The following PIP4K2C variants were observed in gnomAD, a reference collection of about 807,000 sequenced individuals.
PIP4K2C encodes the protein phosphatidylinositol 5-phosphate 4-kinase type-2 gamma.
PIP4K2C carries 21 observed loss-of-function variants against 45.0 expected under a neutral mutation model. That is an observed-to-expected ratio of 0.47 (90% CI 0.33 to 0.67). The LOEUF (loss-of-function observed/expected upper bound fraction) is 0.67, where lower values mean the gene tolerates loss of function less well. PIP4K2C is among the 30% of genes least tolerant of loss of function. PIP4K2C has a pLI of 0.02. For missense variants in PIP4K2C, 456 were observed against 542.8 expected, an observed-to-expected ratio of 0.84 and a Z score of 1.59; for synonymous variants, 201 against 204.8, an observed-to-expected ratio of 0.98 and a Z score of 0.16.
chr12:57,600,968 C>T lies in PIP4K2C; in HGVS notation c.971C>T (p.Ser324Phe), dbSNP rs963258737. ...SLTGPPALVGSYGTSPEGIGG... is the reference protein window; with the variant it reads ...SLTGPPALVGFYGTSPEGIGG... ...ACTGGACCTCCTGCTCTGGTGGGCT[C>T]CTATGGCACCTCCCCAGAGGGTATC... The change falls in exon 8 of 10, where the codon TCC becomes TTC. Residue 324 changes from serine (S) to phenylalanine (F), a missense_variant. Around this residue, in one of 2 missense-constraint regions of PIP4K2C, gnomAD observed 421 missense variants for 473.1 expected, o/e 0.89. Coordinates refer to ENST00000354947, the MANE Select transcript of PIP4K2C (RefSeq NM_024779.5). 11 of 1,614,222 alleles carry T rather than the reference C, an allele frequency of 6.8e-6. No homozygotes were observed. Among genetic ancestry groups the T allele is most frequent in the Non-Finnish European group, 9.3e-6 (11 of 1,180,046 alleles).
At chr12:57,601,486 T>A in intron 9 of PIP4K2C, 40 bp from the exon 10 acceptor site, 2 of 1,577,718 alleles carry the variant, frequency 1.3e-6, no homozygotes, top group Non-Finnish European at 1.7e-6. Flanking sequence ...GGACGGGTGC[T>A]AGGGTGGCCT....
At chr12:57,592,502 C>T (rs1883006033) in intron 1 of PIP4K2C, among the ~76,000 whole-genome samples, 1 of 151,966 alleles carries the variant, frequency 6.6e-6, no homozygotes, top group African/African-American at 2.4e-5. Context: ...TTGTTTGTGG[C>T]CAGTCGGATC....
chr12:57,601,480 GGGT>G, intron 9 of PIP4K2C, 43 bp from the exon 10 acceptor site: 1 of 1,565,048 alleles, frequency 6.4e-7, no homozygotes. Flanking sequence ...TGATGGGGAC[GGGT>G]GCTAGGGTGG....
intron 7 of PIP4K2C, 97 bp from the exon 8 acceptor site, chr12:57,600,714 C>G: frequency 6.7e-7 from 1 of 1,489,514 alleles, no homozygotes; most frequent in South Asian, 1.2e-5. Context: ...ACTTCCTTTC[C>G]CCAGAAGGGC....
chr12:57,601,613 G>C lies in PIP4K2C; in HGVS notation c.*7G>C. The C allele has an allele frequency of 6.3e-7, 1 of 1,598,648 alleles. No individual in the cohort carries two copies. Among genetic ancestry groups the C allele is most frequent in the Non-Finnish European group, 8.6e-7 (1 of 1,165,966 alleles). ...TACCAACATCTTTGCCTAAGAGACT[G>C]CCTGGTTCTCTCTGATGTTCAAGGT... is the stretch of plus-strand genomic sequence containing the variant. On this transcript the variant is annotated 3_prime_UTR_variant, in exon 10 of 10. Transcript: ENST00000354947.
At chr12:57,600,288 G>A (rs776507390) in intron 6 of PIP4K2C, 36 bp from the exon 7 acceptor site, 2 of 1,378,340 alleles carry the variant, frequency 1.5e-6, no homozygotes, top group Non-Finnish European at 2.0e-6. Context: ...TTGGGGAAGG[G>A]ATATGTTCCC....
rs766727703 is a variant in PIP4K2C, at chr12:57,600,300, A to C, written c.700-24A>C. ...ACCTTGGGGAAGGGATATGTTCCCA[A>C]GATGTCCCTTTACATATTCTTAGGT... On this transcript the variant is annotated intron_variant, in intron 6 of 9. Transcript: ENST00000354947. 15 of 1,475,494 alleles carry C rather than the reference A, an allele frequency of 1.0e-5. No homozygotes were observed. In the South Asian group the frequency reaches 1.6e-4, roughly 16 times the overall value. The allele number at this position is 1,475,494 out of a possible 1,614,324, so 91.4% of individuals were successfully genotyped here.
In PIP4K2C at chr12:57,599,574, AG is replaced by A. The variant is rs1883338636; in HGVS notation, c.699+137del. On this transcript the variant is annotated intron_variant, in intron 6 of 9. Transcript: ENST00000354947. ...TATTTATTATCTTAAACCACTTAAA[AG>A]AAGGGGGTAAACTTCTGTTGATCCG... The A allele has an allele frequency of 1.0e-5, 10 of 996,094 alleles. No individual in the cohort carries two copies. In the South Asian group the frequency reaches 1.5e-4, roughly 14 times the overall value. The allele number at this position is 996,094 out of a possible 1,614,324, so 61.7% of individuals were successfully genotyped here.
chr12:57,594,988 T>C (rs1190487774), intron 2 of PIP4K2C, 138 bp from the exon 3 acceptor site: 6 of 587,994 alleles, frequency 1.0e-5, no homozygotes, highest in Non-Finnish European at 1.8e-5. Flanking sequence ...TAATAACAAA[T>C]AAAAATTAAA....
intron 3 of PIP4K2C, 69 bp downstream of exon 3, chr12:57,595,291 C>T: frequency 1.0e-6 from 1 of 994,084 alleles, no homozygotes; most frequent in Non-Finnish European, 1.6e-6. Context: ...TTTGGGACAG[C>T]CATATTTGGA....
intron 6 of PIP4K2C, 36 bp from the exon 7 acceptor site, chr12:57,600,288 G>T (rs776507390): frequency 7.3e-7 from 1 of 1,378,340 alleles, no homozygotes. Flanking sequence ...TTGGGGAAGG[G>T]ATATGTTCCC....
chr12:57,597,339 G>A (rs551847324), intron 4 of PIP4K2C, among the ~76,000 whole-genome samples: 1 of 152,306 alleles, frequency 6.6e-6, no homozygotes, highest in Admixed American at 6.5e-5. Context: ...TGGGAGAACT[G>A]AGAGTTAAGA....
rs199738199 is a variant in PIP4K2C, at chr12:57,599,039, C to A, written c.514-26C>A. On this transcript the variant is annotated intron_variant, in intron 4 of 9. Coordinates refer to ENST00000354947, the MANE Select transcript of PIP4K2C (RefSeq NM_024779.5). ...GTGTATCTGCTACTCAGCCTCTCCC[C>A]ATTCCTTCCCCCTCTTTCACTGTAG... is the stretch of plus-strand genomic sequence containing the variant. The A allele has an allele frequency of 1.1e-5, 18 of 1,610,540 alleles. No individual in the cohort carries two copies. The East Asian group carries it at 3.8e-4, about 34-fold the overall frequency.
chr12:57,601,886 C>G lies in PIP4K2C; in HGVS notation c.*280C>G. 1 of 455,302 alleles carries G rather than the reference C, an allele frequency of 2.2e-6. No individual in the cohort carries two copies. Among genetic ancestry groups the G allele is most frequent in the Non-Finnish European group, 4.0e-6 (1 of 248,472 alleles). The allele number at this position is 455,302 out of a possible 1,614,324, so 28.2% of individuals were successfully genotyped here. ...TTATTGTTGACTCTCTCCCAAGTGCCTTGATCTTTGTAATATCTCCTGTTG... is the reference window on the plus strand; with the variant it reads ...TTATTGTTGACTCTCTCCCAAGTGCGTTGATCTTTGTAATATCTCCTGTTG... On this transcript the variant is annotated 3_prime_UTR_variant, in exon 10 of 10. Transcript: ENST00000354947.
intron 4 of PIP4K2C, among the ~76,000 whole-genome samples, chr12:57,597,089 A>G (rs1284494871): frequency 6.6e-6 from 1 of 152,226 alleles, no homozygotes; most frequent in African/African-American, 2.4e-5. Context: ...GCCAGATTGT[A>G]AAGAGGCTTA....
Position 57,600,928 on chromosome 12 carries a change from G to A in PIP4K2C, c.931G>A (p.Gly311Arg). The change falls in exon 8 of 10, where the codon GGG (glycine) becomes AGG (arginine). Residue 311 changes from glycine to arginine, a missense_variant. Around this residue, in one of 2 missense-constraint regions of PIP4K2C, gnomAD observed 421 missense variants for 473.1 expected, o/e 0.89. Coordinates refer to ENST00000354947, the MANE Select transcript of PIP4K2C (RefSeq NM_024779.5). ...PVREDESEVD[G>R]DCSLTGPPAL... ...GCGGGAGGATGAGTCAGAGGTGGAT[G>A]GGGACTGCAGCCTGACTGGACCTCC... The A allele has an allele frequency of 9.3e-6, 15 of 1,614,188 alleles. No homozygotes were observed. Among genetic ancestry groups the A allele is most frequent in the Non-Finnish European group, 1.3e-5 (15 of 1,180,042 alleles).
intron 4 of PIP4K2C, among the ~76,000 whole-genome samples, chr12:57,596,988 TG>T (rs749104507): frequency 1.3e-3 from 203 of 152,214 alleles, no homozygotes; most frequent in Admixed American, 2.2e-3. Flanking sequence ...AAACAGCACT[TG>T]TAAGGCACAG....
In PIP4K2C at chr12:57,595,925, G is replaced by T; in HGVS notation, c.407G>T (p.Gly136Val). ...LTRNPPSESE[G>V]SDGRFLISYD... is the part of the protein sequence containing the mutation. ...CGAAACCCCCCCAGCGAAAGTGAAG[G>T]CAGTGATGGTCGCTTCCTTATCTCC... Residue 136 changes from glycine to valine, a missense_variant, in exon 4 of 10, where the codon GGC becomes GTC. Physicochemically the swap from Gly to Val is moderately radical, Grantham distance 109. This residue lies in a region of PIP4K2C where 421 missense variants were observed against 473.1 expected (regional missense o/e 0.89). Coordinates refer to ENST00000354947, the MANE Select transcript of PIP4K2C (RefSeq NM_024779.5). 6 of 1,614,030 alleles carry T rather than the reference G, an allele frequency of 3.7e-6. No homozygotes were observed. Among genetic ancestry groups the T allele is most frequent in the Non-Finnish European group, 5.1e-6 (6 of 1,179,990 alleles).
At chr12:57,601,193 G>A (rs1047060064) in intron 8 of PIP4K2C, 52 bp from the exon 9 acceptor site, 14 of 1,590,324 alleles carry the variant, frequency 8.8e-6, no homozygotes, top group Middle Eastern at 1.7e-4. Context: ...CTGCTTCCTG[G>A]AGAAAGGGAA....
Sources: allele counts gnomAD v4.1 joint callset (sites outside exome capture counted in the v4.1 genomes callset), GRCh38; gene constraint gnomAD v4.1.1; regional missense constraint gnomAD v4.1.1; transcripts MANE v1.5; gene names NCBI Gene and HGNC (gene_info 2026-07-23, HGNC 2026-07-21).